Variants in GABRG1 observed in about 807,000 individuals in gnomAD.
GABRG1 encodes gamma-aminobutyric acid type A receptor subunit gamma1, also known as gamma-aminobutyric acid receptor subunit gamma-1.
A neutral mutation model predicts 49.8 loss-of-function variants in GABRG1; 49 were observed. The observed-to-expected ratio is 0.98, with a 90% confidence interval of 0.78 to 1.25. The LOEUF (loss-of-function observed/expected upper bound fraction) is 1.25. Ranked by LOEUF, GABRG1 falls within the 50% of genes most tolerant of loss-of-function variation. GABRG1 has a pLI of 0.00. For synonymous variants in GABRG1, 232 were observed against 185.1 expected, an observed-to-expected ratio of 1.25 and a Z score of -2.06; for missense variants, 552 against 552.3, an observed-to-expected ratio of 1.00 and a Z score of 0.01.
chr4:46,073,023 T>C (rs1719193793), intron 3 of GABRG1, among the ~76,000 whole-genome samples: 1 of 151,934 alleles, frequency 6.6e-6, no homozygotes, highest in Non-Finnish European at 1.5e-5. Context: ...ATGAAGTTAG[T>C]TTATGTCAAG....
intron 3 of GABRG1, among the ~76,000 whole-genome samples, chr4:46,081,792 G>A (rs558377691): frequency 6.6e-6 from 1 of 151,882 alleles, no homozygotes; most frequent in African/African-American, 2.4e-5. Flanking sequence ...GGCTTTTAGG[G>A]TGGGCCCTAA....
intron 1 of GABRG1, among the ~76,000 whole-genome samples, chr4:46,111,213 C>T (rs1316042638): frequency 1.3e-5 from 2 of 150,868 alleles, no homozygotes; most frequent in Non-Finnish European, 3.0e-5. Context: ...AATGTTCAAT[C>T]TAGGAGTCAA....
At chr4:46,045,633 T>A (rs1292145023) in intron 8 of GABRG1, among the ~76,000 whole-genome samples, 1 of 151,972 alleles carries the variant, frequency 6.6e-6, no homozygotes, top group Non-Finnish European at 1.5e-5. Context: ...CTGCAAAGAA[T>A]GATAATAAAA....
At chr4:46,083,351 C>T (rs900306098) in intron 3 of GABRG1, among the ~76,000 whole-genome samples, 5 of 151,614 alleles carry the variant, frequency 3.3e-5, no homozygotes, top group African/African-American at 1.2e-4. Flanking sequence ...TTCTATACTG[C>T]TATAAGAGAG....
At chr4:46,051,388 A>C (rs1294120752) in intron 8 of GABRG1, 36 bp downstream of exon 8, 4 of 1,434,120 alleles carry the variant, frequency 2.8e-6, no homozygotes, top group African/African-American at 1.4e-5. Context: ...AAGTAAGTTG[A>C]GGTTTATAAA....
At chr4:46,049,241 C>G (rs1040118437) in intron 8 of GABRG1, among the ~76,000 whole-genome samples, 1 of 151,796 alleles carries the variant, frequency 6.6e-6, no homozygotes, top group Non-Finnish European at 1.5e-5. Flanking sequence ...CCAGAAAGCC[C>G]TTAAATAGAG....
chr4:46,094,690 A>T (rs1462734846), intron 2 of GABRG1, among the ~76,000 whole-genome samples: 1 of 151,894 alleles, frequency 6.6e-6, no homozygotes, highest in Non-Finnish European at 1.5e-5. Context: ...GGAAAAGAAG[A>T]ATCAATGAAT....
At chr4:46,045,879 G>T (rs1717978814) in intron 8 of GABRG1, among the ~76,000 whole-genome samples, 1 of 151,842 alleles carries the variant, frequency 6.6e-6, no homozygotes, top group African/African-American at 2.4e-5. Context: ...ACTATTAATA[G>T]TAAGTTAAAA....
At position 46,037,982 on chromosome 4, in the gene GABRG1, AAC is replaced by A. The variant is rs1288353554; in HGVS notation, c.*3004_*3005del. The stretch of plus-strand genomic sequence containing the variant: ...TGATATACTAATGCCAGAATATGGA[AAC>A]ACAAGTGAAAAAATCCTTATGATTG... On this transcript the variant is annotated 3_prime_UTR_variant, in exon 9 of 9. Coordinates refer to ENST00000295452, the MANE Select transcript of GABRG1 (RefSeq NM_173536.4). 1 of 151,700 alleles carries A rather than the reference AAC, an allele frequency of 6.6e-6. No individual in the cohort carries two copies. Among genetic ancestry groups the A allele is most frequent in the Non-Finnish European group, 1.5e-5 (1 of 67,744 alleles). The allele number at this position is 151,700 out of a possible 1,614,324, so 9.4% of individuals were successfully genotyped here.
At chr4:46,067,770 C>A (rs111598075) in intron 3 of GABRG1, among the ~76,000 whole-genome samples, 1 of 152,054 alleles carries the variant, frequency 6.6e-6, no homozygotes, top group South Asian at 2.1e-4. Context: ...TAAGGCAAAC[C>A]GCATCCCATA....
chr4:46,050,521 C>A (rs998197646), intron 8 of GABRG1, among the ~76,000 whole-genome samples: 1 of 151,904 alleles, frequency 6.6e-6, no homozygotes, highest in African/African-American at 2.4e-5. Flanking sequence ...CTATTTGATA[C>A]ATTTCTCATT....
At chr4:46,088,269 G>T (rs1320813308) in intron 2 of GABRG1, among the ~76,000 whole-genome samples, 1 of 152,016 alleles carries the variant, frequency 6.6e-6, no homozygotes, top group Non-Finnish European at 1.5e-5. Context: ...CATATGTAAT[G>T]AAAAATTGTC....
chr4:46,075,636 T>C (rs1229305832), intron 3 of GABRG1, among the ~76,000 whole-genome samples: 1 of 152,114 alleles, frequency 6.6e-6, no homozygotes, highest in Non-Finnish European at 1.5e-5. Context: ...TTTGAAAAAC[T>C]ATGGCTTTAT....
At chr4:46,093,245 T>C (rs1034044940) in intron 2 of GABRG1, among the ~76,000 whole-genome samples, 1 of 152,026 alleles carries the variant, frequency 6.6e-6, no homozygotes, top group African/African-American at 2.4e-5. Flanking sequence ...ATTTGGTATA[T>C]GTATACAATT....
chr4:46,104,404 C>T (rs1167552982), intron 1 of GABRG1, among the ~76,000 whole-genome samples: 3 of 151,406 alleles, frequency 2.0e-5, no homozygotes, highest in East Asian at 2.0e-4. Flanking sequence ...GAATTTATTG[C>T]CGTGTTGTTG....
chr4:46,123,101 AACACACACACAC>A (rs34086673), intron 1 of GABRG1, among the ~76,000 whole-genome samples: 4,335 of 129,544 alleles, frequency 0.033, 211 homozygotes, highest in African/African-American at 0.12. Flanking sequence ...CATACACACA[AACACACACACAC>A]ACACACACAC....
intron 3 of GABRG1, among the ~76,000 whole-genome samples, chr4:46,074,895 A>G (rs1040641187): frequency 1.3e-5 from 2 of 152,052 alleles, no homozygotes; most frequent in African/African-American, 4.8e-5. Context: ...CACTGATTGG[A>G]TGGAATGGGA....
chr4:46,065,949 C>G (rs925737643), intron 3 of GABRG1, among the ~76,000 whole-genome samples: 1 of 152,114 alleles, frequency 6.6e-6, no homozygotes, highest in Non-Finnish European at 1.5e-5. Flanking sequence ...GTCTCGATCT[C>G]CTGACCTCGT....
Position 46,075,173 on chromosome 4 carries a change from C to T in GABRG1, c.321+8813G>A, listed in dbSNP as rs1719280707. On this transcript the variant is annotated intron_variant, in intron 3 of 8. Coordinates refer to ENST00000295452, the MANE Select transcript of GABRG1 (RefSeq NM_173536.4). The stretch of plus-strand genomic sequence containing the variant: ...TCTTCCTCATACAAATACTTTCAGT[C>T]CGTAAGTACCATTGTTTACTTTCCT... 2.6e-5 allele frequency among the ~76,000 whole-genome samples: 4 copies of T among 152,058 alleles called. No individual in the cohort carries two copies. In the South Asian group the frequency reaches 8.3e-4, roughly 32 times the overall value.
Sources: gnomAD v4.1 joint callset for allele counts (sites outside exome capture counted in the v4.1 genomes callset) on GRCh38, gnomAD v4.1.1 for gene constraint, MANE v1.5 for transcripts, NCBI Gene and HGNC (gene_info 2026-07-23, HGNC 2026-07-21) for gene names.